ZNF624: variants seen among roughly 807,000 people sequenced by gnomAD.
The protein encoded by ZNF624 is zinc finger protein 624.
A neutral mutation model predicts 74.7 loss-of-function variants in ZNF624; 43 were observed. The ratio of observed to expected loss-of-function variants is 0.58; its 90% CI spans 0.45 to 0.74. ZNF624 has a LOEUF of 0.74. Among genes scored for constraint, ZNF624 ranks in the 30% least tolerant of loss-of-function variants. The pLI is 0.00. For missense variants in ZNF624, 820 were observed against 1,030.0 expected, an observed-to-expected ratio of 0.80 and a Z score of 2.79; for synonymous variants, 331 against 341.3, an observed-to-expected ratio of 0.97 and a Z score of 0.33.
chr17:16,640,861 T>A (rs1172822397), intron 3 of ZNF624, among the ~76,000 whole-genome samples: 1 of 152,114 alleles, frequency 6.6e-6, no homozygotes, highest in Admixed American at 6.5e-5. Flanking sequence ...ACCCACTTTA[T>A]GAGACCAATA....
downstream of ZNF624, among the ~76,000 whole-genome samples, chr17:16,618,761 T>C (rs974593802): frequency 6.9e-6 from 1 of 145,880 alleles, no homozygotes; most frequent in Non-Finnish European, 1.5e-5. Context: ...ACCTAATGAA[T>C]AGTAAATATA....
chr17:16,630,920 G>GT (rs1211163229), intron 5 of ZNF624, among the ~76,000 whole-genome samples: 7 of 151,998 alleles, frequency 4.6e-5, no homozygotes, highest in Admixed American at 2.6e-4. Flanking sequence ...AGAATAAGCT[G>GT]TAAGTATACA....
chr17:16,640,291 G>A (rs1449129552), intron 3 of ZNF624, among the ~76,000 whole-genome samples: 2 of 152,008 alleles, frequency 1.3e-5, no homozygotes, highest in African/African-American at 2.4e-5. Context: ...GAAATTTATA[G>A]CTATAAAATG....
At chr17:16,648,366 T>C (rs1224309950) in intron 2 of ZNF624, among the ~76,000 whole-genome samples, 1 of 152,150 alleles carries the variant, frequency 6.6e-6, no homozygotes, top group Admixed American at 6.5e-5. Context: ...AAGATCACTA[T>C]GAAAAAATGT....
chr17:16,634,448 G>A (rs188779031), intron 4 of ZNF624, among the ~76,000 whole-genome samples, 182 bp downstream of exon 4: 3 of 152,334 alleles, frequency 2.0e-5, no homozygotes, highest in East Asian at 1.9e-4. Context: ...CAAGATTCCA[G>A]TGAAATGTGT....
chr17:16,623,115 C>A lies in ZNF624; in HGVS notation c.1771G>T (p.Glu591Ter). Residue 591 changes from glutamate (E) to a stop codon, truncating the protein, a stop_gained, in exon 6 of 6, where the codon GAG becomes TAG. Coordinates refer to ENST00000311331, the MANE Select transcript of ZNF624 (RefSeq NM_020787.4). LOFTEE classifies it high-confidence loss of function. The surrounding 1 kb of genome is among the most constrained non-coding windows in gnomAD (Gnocchi z 5.3). ...AAGTGTGATTTTATTCTGAAAGACT[C>A]CCCACATTCATTGCACAGATAAGGT... ...EKPYLCNECG[E>*]SFRIKSHLTV... The A allele has an allele frequency of 6.2e-7, 1 of 1,613,782 alleles. No homozygotes were observed.
downstream of ZNF624, chr17:16,617,673 G>C: frequency 1.9e-6 from 3 of 1,606,502 alleles, no homozygotes; most frequent in Non-Finnish European, 2.5e-6. Flanking sequence ...CGGGCCCCGG[G>C]CGTGCTCTAC....
At position 16,624,205 on chromosome 17, in the gene ZNF624, TTG is replaced by T; in HGVS notation, c.679_680del (p.Gln227ArgfsTer44). 6.2e-7 allele frequency: 1 copy of T among 1,614,178 alleles called. No homozygotes were observed. Among genetic ancestry groups the T allele is most frequent in the Non-Finnish European group, 8.5e-7 (1 of 1,180,024 alleles). ...TTAAATTCTCTGTGAAATTTTCCTCTTGTGTTTGGCATCTGCTGTGAAGCTCT... is the reference window on the plus strand; with the variant it reads ...TTAAATTCTCTGTGAAATTTTCCTCTTGTTTGGCATCTGCTGTGAAGCTCT... ...TEELHSRCQT[Q>X]EENFTENLNL... On this transcript the variant is annotated frameshift_variant, in exon 6 of 6. Transcript: ENST00000311331. LOFTEE classifies it high-confidence loss of function.
At chr17:16,653,534 G>T (rs946506811) in intron 1 of ZNF624, 4 of 152,318 alleles carry the variant, frequency 2.6e-5, no homozygotes, top group African/African-American at 9.6e-5. Flanking sequence ...GTTTGGACCC[G>T]GACTAGGAGG....
At chr17:16,637,835 A>G (rs1308661598) in intron 3 of ZNF624, among the ~76,000 whole-genome samples, 1 of 152,148 alleles carries the variant, frequency 6.6e-6, no homozygotes, top group African/African-American at 2.4e-5. Context: ...AAACACCAAA[A>G]GCAATGGCAA....
chr17:16,638,208 G>C (rs896530642), intron 3 of ZNF624, among the ~76,000 whole-genome samples: 7 of 152,140 alleles, frequency 4.6e-5, no homozygotes, highest in African/African-American at 7.2e-5. Context: ...AAAAAGTCAG[G>C]AAACAACAGG....
downstream of ZNF624, chr17:16,617,858 G>T (rs1476368221): frequency 1.9e-5 from 30 of 1,609,764 alleles, no homozygotes; most frequent in Non-Finnish European, 2.5e-5. Context: ...TGTAGCTTAG[G>T]CGTCCTATGT....
intron 5 of ZNF624, chr17:16,631,517 G>C (rs1909207048): frequency 1.3e-5 from 2 of 152,140 alleles, no homozygotes; most frequent in South Asian, 2.1e-4. Context: ...CTTGAGCCCA[G>C]GAGTTCGAGA....
intron 5 of ZNF624, among the ~76,000 whole-genome samples, chr17:16,629,013 T>A (rs924865611): frequency 4.6e-5 from 7 of 151,534 alleles, no homozygotes; most frequent in Non-Finnish European, 1.0e-4. Context: ...GCCTGGCCAA[T>A]GTGGCGAGAC....
At chr17:16,640,218 T>C (rs1374405638) in intron 3 of ZNF624, among the ~76,000 whole-genome samples, 1 of 152,028 alleles carries the variant, frequency 6.6e-6, no homozygotes, top group Non-Finnish European at 1.5e-5. Context: ...ATTTATAAAA[T>C]TGAAGGGGCA....
intron 5 of ZNF624, 111 bp from the exon 6 acceptor site, chr17:16,624,620 T>C: frequency 6.8e-6 from 7 of 1,027,806 alleles, no homozygotes; most frequent in South Asian, 3.8e-5. Context: ...ATGGTTTTAA[T>C]TGCTTTCACA....
chr17:16,622,181 G>A lies in ZNF624; in HGVS notation c.*107C>T. 1.2e-6 allele frequency: 1 copy of A among 831,796 alleles called. No homozygotes were observed. Among genetic ancestry groups the A allele is most frequent in the East Asian group, 2.8e-5 (1 of 35,860 alleles). 51.5% of individuals were successfully genotyped at this position (831,796 alleles called of 1,614,324 possible). A position where few individuals can be genotyped will look rare whatever the true frequency, so the allele number is the denominator to read the frequency against. On this transcript the variant is annotated 3_prime_UTR_variant, in exon 6 of 6. Transcript: ENST00000311331. Reference sequence around the variant, plus strand: ...CCACATAATTGCTTATAGTTTCTCTGTATACTTTCTGATAAATTCCTAATG... The same window carrying A: ...CCACATAATTGCTTATAGTTTCTCTATATACTTTCTGATAAATTCCTAATG...
At position 16,633,762 on chromosome 17, in the gene ZNF624, A is replaced by C. The variant is rs1402122232; in HGVS notation, c.376+100T>G. ...ATCTCTTCCTCTGAGACAGCGTTGAACAAATATATCTTCAAAATTATTTCA... is the reference window on the plus strand; with the variant it reads ...ATCTCTTCCTCTGAGACAGCGTTGACCAAATATATCTTCAAAATTATTTCA... On this transcript the variant is annotated intron_variant, in intron 5 of 5. Transcript: ENST00000311331. 6.4e-6 allele frequency: 6 copies of C among 939,606 alleles called. No homozygotes were observed. The Admixed American group carries it at 1.3e-4, about 21-fold the overall frequency. The allele number at this position is 939,606 out of a possible 1,614,324, so 58.2% of individuals were successfully genotyped here.
In ZNF624 at chr17:16,623,783, G is replaced by A; in HGVS notation, c.1103C>T (p.Ser368Phe). The change falls in exon 6 of 6, where the codon TCT becomes TTT. Residue 368 changes from serine to phenylalanine, a missense_variant. Ser to Phe is a radical substitution (Grantham distance 155). Transcript: ENST00000311331. This position sits in a 1 kb window ranked among gnomAD's most constrained non-coding sequence, Gnocchi z 5.3. ...KPYQCNVCGK[S>F]FSQCARLNQH... ...ATTAAGACGGGCACACTGGCTAAAA[G>A]ATTTCCCACACACATTACACTGATA... is the stretch of plus-strand genomic sequence containing the variant. The A allele has an allele frequency of 1.9e-6, 3 of 1,614,012 alleles. No homozygotes were observed. The highest frequency in any genetic ancestry group is 1.7e-6 in the Non-Finnish European group (2 of 1,179,990).
Sources: allele counts gnomAD v4.1 joint callset (sites outside exome capture counted in the v4.1 genomes callset), GRCh38; gene constraint gnomAD v4.1.1; non-coding constraint Gnocchi (gnomAD v3.1); transcripts MANE v1.5; gene names NCBI Gene and HGNC (gene_info 2026-07-23, HGNC 2026-07-21).